The following DCT variants were observed in gnomAD, a reference collection of about 807,000 sequenced individuals.
DCT encodes the protein dopachrome tautomerase, also known as L-dopachrome tautomerase.
DCT carries 47 observed loss-of-function variants against 53.0 expected under a neutral mutation model. The ratio of observed to expected loss-of-function variants is 0.89; its 90% CI spans 0.70 to 1.13. The LOEUF is 1.13. DCT is among the 50% of genes most tolerant of loss of function. DCT has a pLI of 0.00. For synonymous variants in DCT, 244 were observed against 237.0 expected, an observed-to-expected ratio of 1.03 and a Z score of -0.27; for missense variants, 669 against 637.4, an observed-to-expected ratio of 1.05 and a Z score of -0.53.
At chr13:94,462,788 C>T (rs1364550123) in intron 4 of DCT, among the ~76,000 whole-genome samples, 1 of 152,166 alleles carries the variant, frequency 6.6e-6, no homozygotes, top group South Asian at 2.1e-4. Context: ...GGCAAGATGA[C>T]TCCTATTGTG....
At chr13:94,494,877 T>C in the DCT span, among the ~76,000 whole-genome samples, 1 of 152,212 alleles carries the variant, frequency 6.6e-6, no homozygotes, top group Non-Finnish European at 1.5e-5. Context: ...TTTTTTCATA[T>C]GATTTTGAAG....
intron 4 of DCT, among the ~76,000 whole-genome samples, chr13:94,462,502 G>GA (rs113354694): frequency 9.7e-4 from 129 of 133,038 alleles, no homozygotes; most frequent in Admixed American, 1.9e-3. Flanking sequence ...CCTGTCTCAA[G>GA]AAAAAAAAAA....
chr13:94,444,515 C>A, intron 6 of DCT: 1 of 379,932 alleles, frequency 2.6e-6, no homozygotes, highest in Non-Finnish European at 5.2e-6. Context: ...ATAGCAATTA[C>A]TATATGTTTT....
intron 6 of DCT, among the ~76,000 whole-genome samples, chr13:94,452,062 C>T (rs1051133962): frequency 2.6e-5 from 4 of 151,260 alleles, no homozygotes; most frequent in South Asian, 2.1e-4. Context: ...GACAGAGTTT[C>T]GCTCTTGTCA....
chr13:94,461,435 T>C (rs1184417500), intron 5 of DCT, among the ~76,000 whole-genome samples: 1 of 152,210 alleles, frequency 6.6e-6, no homozygotes, highest in African/African-American at 2.4e-5. Context: ...CTCAAACTCC[T>C]GGACTCAAGC....
the DCT span, among the ~76,000 whole-genome samples, chr13:94,534,860 G>A: frequency 6.6e-6 from 1 of 152,354 alleles, no homozygotes; most frequent in South Asian, 2.1e-4. Flanking sequence ...ACAGCTGAGA[G>A]TTGCTATTAG....
At chr13:94,464,527 C>A (rs989488600) in intron 4 of DCT, among the ~76,000 whole-genome samples, 1 of 152,040 alleles carries the variant, frequency 6.6e-6, no homozygotes, top group Non-Finnish European at 1.5e-5. Context: ...GTAATCCCGG[C>A]TACTCAGGAG....
chr13:94,512,530 G>A, the DCT span, among the ~76,000 whole-genome samples: 2 of 152,176 alleles, frequency 1.3e-5, no homozygotes, highest in Non-Finnish European at 1.5e-5. Context: ...CAGTTGAGAA[G>A]CCAGAAGTGG....
the DCT span, among the ~76,000 whole-genome samples, chr13:94,535,026 T>G: frequency 1.3e-5 from 2 of 152,224 alleles, no homozygotes; most frequent in Admixed American, 6.5e-5. Flanking sequence ...TACAGGCAAG[T>G]GCCACTGCAC....
chr13:94,493,114 C>A, the DCT span, among the ~76,000 whole-genome samples: 1 of 151,912 alleles, frequency 6.6e-6, no homozygotes, highest in African/African-American at 2.4e-5. Context: ...GCAACATGAC[C>A]CCGAAGAAAA....
chr13:94,510,294 T>C, the DCT span, among the ~76,000 whole-genome samples: 1 of 152,126 alleles, frequency 6.6e-6, no homozygotes, highest in Non-Finnish European at 1.5e-5. Flanking sequence ...GGTATCGGGA[T>C]ATTTAAACCA....
the DCT span, among the ~76,000 whole-genome samples, chr13:94,492,237 G>A: frequency 6.6e-6 from 1 of 152,206 alleles, no homozygotes; most frequent in Non-Finnish European, 1.5e-5. Context: ...CAGAGAAGCA[G>A]CGAGCCTTAA....
chr13:94,465,036 T>G (rs543860673), intron 4 of DCT, among the ~76,000 whole-genome samples: 27 of 152,164 alleles, frequency 1.8e-4, no homozygotes, highest in Non-Finnish European at 3.7e-4. Flanking sequence ...ACCTCAGGTC[T>G]GTGCCCCTCC....
the DCT span, among the ~76,000 whole-genome samples, chr13:94,498,943 GTCAGCACTCTGTAAAATGGACCAA>G: frequency 2.4e-4 from 37 of 152,136 alleles, no homozygotes; most frequent in African/African-American, 3.1e-4. Context: ...AAATGCGCCA[GTCAGCACTCTGTAAAATGGACCAA>G]TCAGCACTCT....
At position 94,468,983 on chromosome 13, in the gene DCT, G is replaced by A. The variant is rs1429602446; in HGVS notation, c.358C>T (p.Arg120Trp). 3 of 1,614,034 alleles carry A rather than the reference G, an allele frequency of 1.9e-6. No individual in the cohort carries two copies. Among genetic ancestry groups the A allele is most frequent in the Admixed American group, 1.7e-5 (1 of 60,010 alleles). The change falls in exon 2 of 8, where the codon CGG becomes TGG. Residue 120 changes from arginine to tryptophan, a missense_variant. Transcript: ENST00000377028. ...TGCCGAATCACTGGTGGTTTCTTCCGCTCGCAGTTGGGACCGGTCCAGCCA... is the reference window on the plus strand; with the variant it reads ...TGCCGAATCACTGGTGGTTTCTTCCACTCGCAGTTGGGACCGGTCCAGCCA... ...KFGWTGPNCE[R>W]KKPPVIRQNI...
intron 1 of DCT, among the ~76,000 whole-genome samples, chr13:94,474,943 A>T (rs988982537): frequency 6.6e-6 from 1 of 152,214 alleles, no homozygotes; most frequent in African/African-American, 2.4e-5. Context: ...ATAGTCTGTT[A>T]CAAGACACTA....
the DCT span, among the ~76,000 whole-genome samples, chr13:94,533,976 T>G: frequency 5.9e-5 from 9 of 152,226 alleles, no homozygotes; most frequent in South Asian, 8.3e-4. Flanking sequence ...TATGTACACT[T>G]TGAGTGTAGG....
At chr13:94,451,391 A>T (rs1448828165) in intron 6 of DCT, among the ~76,000 whole-genome samples, 1 of 152,224 alleles carries the variant, frequency 6.6e-6, no homozygotes, top group African/African-American at 2.4e-5. Context: ...TGCAATTGTG[A>T]AGAGACTGAG....
chr13:94,495,918 GA>G, the DCT span, among the ~76,000 whole-genome samples: 1 of 152,198 alleles, frequency 6.6e-6, no homozygotes, highest in Non-Finnish European at 1.5e-5. Context: ...CAGGGCTAGT[GA>G]AGCTGCATGG....
Sources: allele counts gnomAD v4.1 joint callset (sites outside exome capture counted in the v4.1 genomes callset), GRCh38; gene constraint gnomAD v4.1.1; transcripts MANE v1.5; gene names NCBI Gene and HGNC (gene_info 2026-07-23, HGNC 2026-07-21).